Variants in ZMYM2 observed in about 807,000 individuals in gnomAD.
ZMYM2 encodes the protein zinc finger MYM-type containing 2.
ZMYM2 carries 56 observed loss-of-function variants against 162.8 expected under a neutral mutation model. The ratio of observed to expected loss-of-function variants is 0.34; its 90% CI spans 0.28 to 0.43. The LOEUF (loss-of-function observed/expected upper bound fraction) is 0.43, where lower values mean the gene tolerates loss of function less well. Ranked by LOEUF, ZMYM2 falls within the 20% of genes least tolerant of loss-of-function variation. The pLI is 1.00. For missense variants in ZMYM2, 1,275 were observed against 1,621.8 expected, an observed-to-expected ratio of 0.79 and a Z score of 3.67; for synonymous variants, 510 against 541.6, an observed-to-expected ratio of 0.94 and a Z score of 0.81.
At chr13:19,946,925 A>G in the ZMYM2 span, among the ~76,000 whole-genome samples, 5 of 152,240 alleles carry the variant, frequency 3.3e-5, no homozygotes, top group Non-Finnish European at 7.3e-5. Flanking sequence ...TGTGTCTAAT[A>G]TCTTCATCTC....
At chr13:20,063,084 T>C in intron 18 of ZMYM2, 113 bp downstream of exon 18, 2 of 1,278,652 alleles carry the variant, frequency 1.6e-6, no homozygotes, top group Non-Finnish European at 2.1e-6. Context: ...TATTTTTTAT[T>C]CTTGTTATTT....
chr13:20,051,226 A>C (rs1955296075), intron 12 of ZMYM2, among the ~76,000 whole-genome samples: 1 of 145,914 alleles, frequency 6.9e-6, no homozygotes, highest in Admixed American at 6.9e-5. Context: ...TGGTAAGTAT[A>C]GGATGGACTT....
intron 21 of ZMYM2, among the ~76,000 whole-genome samples, chr13:20,075,273 A>G (rs1566462598): frequency 6.6e-6 from 1 of 152,216 alleles, no homozygotes; most frequent in Non-Finnish European, 1.5e-5. Flanking sequence ...TGTCTATGGA[A>G]GAAACAGTAT....
chr13:19,940,745 T>A, the ZMYM2 span, among the ~76,000 whole-genome samples: 3 of 152,206 alleles, frequency 2.0e-5, no homozygotes, highest in African/African-American at 7.2e-5. Context: ...CACTACGGGA[T>A]GAAAATGTAT....
intron 21 of ZMYM2, among the ~76,000 whole-genome samples, chr13:20,074,226 G>A (rs1280018128): frequency 6.7e-6 from 1 of 149,494 alleles, no homozygotes; most frequent in African/African-American, 2.5e-5. Context: ...GTGTGTGTGT[G>A]TGTGTGTGTG....
Position 20,051,547 on chromosome 13 carries a change from C to T in ZMYM2, c.2407C>T (p.Gln803Ter). 6.2e-7 allele frequency: 1 copy of T among 1,613,396 alleles called. No individual in the cohort carries two copies. The highest frequency in any genetic ancestry group is 2.2e-5 in the East Asian group (1 of 44,844). The stretch of plus-strand genomic sequence containing the variant: ...TTGCTTACTGCGTTTCTACTGTCAA[C>T]AAAATGAGCCCAACATGACAACTCA... Reference protein sequence around the residue: ...QHCLLRFYCQQNEPNMTTQKG... With the variant: ...QHCLLRFYCQ Residue 803 changes from glutamine (Q) to a stop codon, truncating the protein, a stop_gained, in exon 13 of 25, where the codon CAA becomes TAA. Transcript: ENST00000610343. LOFTEE classifies it high-confidence loss of function.
chr13:19,893,453 A>G, the ZMYM2 span, among the ~76,000 whole-genome samples: 2 of 150,076 alleles, frequency 1.3e-5, no homozygotes, highest in Admixed American at 6.6e-5. Context: ...ACACACAAAT[A>G]TAGTCCAGGC....
the ZMYM2 span, among the ~76,000 whole-genome samples, chr13:19,870,816 G>A: frequency 6.6e-6 from 1 of 151,276 alleles, no homozygotes; most frequent in Non-Finnish European, 1.5e-5. Context: ...TAGTAGAGAC[G>A]GGGTTTCACC....
the ZMYM2 span, among the ~76,000 whole-genome samples, chr13:19,917,339 T>C: frequency 6.6e-6 from 1 of 151,884 alleles, no homozygotes; most frequent in Admixed American, 6.6e-5. Context: ...CTGTAATCCC[T>C]GCACTTTGAG....
At chr13:19,961,320 C>A (rs1386943467) in intron 2 of ZMYM2, among the ~76,000 whole-genome samples, 2 of 152,052 alleles carry the variant, frequency 1.3e-5, no homozygotes, top group Non-Finnish European at 2.9e-5. Flanking sequence ...TTTTATACTG[C>A]CTTGTTTCAA....
intron 12 of ZMYM2, among the ~76,000 whole-genome samples, 161 bp from the exon 13 acceptor site, chr13:20,051,272 T>TTC (rs1955312209): frequency 6.8e-5 from 10 of 147,776 alleles, no homozygotes; most frequent in African/African-American, 1.2e-4. Context: ...TTTTTTTTTT[T>TTC]CATTTATTGT....
intron 3 of ZMYM2, among the ~76,000 whole-genome samples, chr13:20,000,286 A>C (rs1950299279): frequency 1.3e-5 from 2 of 152,226 alleles, no homozygotes; most frequent in Non-Finnish European, 2.9e-5. Context: ...TTGGTTCATG[A>C]GGTTTAAGGA....
intron 2 of ZMYM2, among the ~76,000 whole-genome samples, chr13:19,987,508 C>T (rs1212643096): frequency 6.6e-6 from 1 of 151,752 alleles, no homozygotes; most frequent in African/African-American, 2.4e-5. Context: ...CGTGATCTGC[C>T]CACCTGGGCC....
chr13:20,048,432 T>A (rs530741247), intron 12 of ZMYM2, among the ~76,000 whole-genome samples: 2 of 151,970 alleles, frequency 1.3e-5, no homozygotes, highest in South Asian at 2.1e-4. Context: ...CATTCTTTTT[T>A]AAAAAAAATT....
chr13:20,025,094 T>C, intron 7 of ZMYM2: 1 of 210,602 alleles, frequency 4.7e-6, no homozygotes. Context: ...AACCCTGTGG[T>C]ATTTGTGACA....
the ZMYM2 span, among the ~76,000 whole-genome samples, chr13:19,945,540 C>T: frequency 5.3e-5 from 8 of 152,262 alleles, no homozygotes; most frequent in South Asian, 1.5e-3. Context: ...GTGTGAACCA[C>T]TGTAATTTTA....
At chr13:20,029,598 A>T (rs773525834) in intron 9 of ZMYM2, among the ~76,000 whole-genome samples, 24 of 152,214 alleles carry the variant, frequency 1.6e-4, no homozygotes, top group Non-Finnish European at 2.6e-4. Context: ...CAGAAGTTTT[A>T]AAAATGGTAG....
chr13:19,957,778 T>C (rs1954642681), upstream of ZMYM2, among the ~76,000 whole-genome samples: 1 of 152,220 alleles, frequency 6.6e-6, no homozygotes, highest in African/African-American at 2.4e-5. Flanking sequence ...AGGGCAGGCC[T>C]CAGCCCCTCC....
At chr13:20,004,852 G>A (rs1950628528) in intron 4 of ZMYM2, among the ~76,000 whole-genome samples, 1 of 152,012 alleles carries the variant, frequency 6.6e-6, no homozygotes, top group Non-Finnish European at 1.5e-5. Flanking sequence ...AAGATAAATT[G>A]AGTAGCGGCA....
Sources: allele counts gnomAD v4.1 joint callset (sites outside exome capture counted in the v4.1 genomes callset), GRCh38; gene constraint gnomAD v4.1.1; transcripts MANE v1.5; gene names NCBI Gene and HGNC (gene_info 2026-07-23, HGNC 2026-07-21).